VAPA: variants seen among roughly 807,000 people sequenced by gnomAD.
VAPA encodes the protein VAMP associated protein A, also known as vesicle-associated membrane protein-associated protein A.
A neutral mutation model predicts 25.6 loss-of-function variants in VAPA; 6 were observed. The observed-to-expected ratio is 0.23, with a 90% CI of 0.13 to 0.46. VAPA has a LOEUF of 0.46. VAPA is among the 20% of genes least tolerant of loss of function. The pLI is 0.99. For missense variants in VAPA, 244 were observed against 302.1 expected (o/e 0.81, Z 1.43); for synonymous variants, 112 against 106.2 (o/e 1.05, Z -0.34).
Position 9,954,505 on chromosome 18 carries a change from A to C in VAPA, c.*294A>C. 3.8e-6 allele frequency: 1 copy of C among 264,488 alleles called. No homozygotes were observed. Among genetic ancestry groups the C allele is most frequent in the Non-Finnish European group, 7.0e-6 (1 of 142,602 alleles). 16.4% of individuals were successfully genotyped at this position (264,488 alleles called of 1,614,324 possible). A position where few individuals can be genotyped will look rare whatever the true frequency, so the allele number is the denominator to read the frequency against. On this transcript the variant is annotated 3_prime_UTR_variant, in exon 6 of 6. Coordinates refer to ENST00000400000, the MANE Select transcript of VAPA (RefSeq NM_194434.3). Reference sequence around the variant, plus strand: ...GAATTGTTCTTTCTTTGTGGTTTTAATAAGAGTTCAAGAATTGTTCAGAGT... The same window carrying C: ...GAATTGTTCTTTCTTTGTGGTTTTACTAAGAGTTCAAGAATTGTTCAGAGT...
chr18:9,914,673 C>CG (rs1386433524), intron 1 of VAPA: 1 of 150,970 alleles, frequency 6.6e-6, no homozygotes, highest in African/African-American at 2.4e-5. Context: ...CGCCGCGGTC[C>CG]GCCTGGGCCC....
rs1202006319 is a variant in VAPA, at chr18:9,954,248, T to C, written c.*37T>C. On this transcript the variant is annotated 3_prime_UTR_variant, in exon 6 of 6. Transcript: ENST00000400000. ...CAGAGTGCTGTTTCTTTTTTTTTTT[T>C]TCTCTTGACCAGAAAAAGATTTGTT... The C allele has an allele frequency of 1.8e-5, 28 of 1,549,748 alleles. No homozygotes were observed. The highest frequency in any genetic ancestry group is 2.3e-5 in the Non-Finnish European group (27 of 1,149,478).
chr18:9,919,863 A>C (rs1448736147), intron 1 of VAPA, among the ~76,000 whole-genome samples: 1 of 152,202 alleles, frequency 6.6e-6, no homozygotes, highest in Non-Finnish European at 1.5e-5. Flanking sequence ...ATGTAAAATT[A>C]TACTAGAGGG....
intron 1 of VAPA, among the ~76,000 whole-genome samples, chr18:9,928,656 C>G (rs2069223502): frequency 6.6e-6 from 1 of 151,984 alleles, no homozygotes; most frequent in African/African-American, 2.4e-5. Context: ...ATAAAATGAC[C>G]AACATATGTA....
intron 2 of VAPA, among the ~76,000 whole-genome samples, chr18:9,935,495 GC>G (rs1461675301): frequency 1.3e-5 from 2 of 152,186 alleles, no homozygotes; most frequent in African/African-American, 4.8e-5. Context: ...GATTGCCTGA[GC>G]CTAGGGAGGT....
intron 2 of VAPA, among the ~76,000 whole-genome samples, chr18:9,935,309 C>A (rs190489630): frequency 0.024 from 3,605 of 152,190 alleles, 55 homozygotes; most frequent in Middle Eastern, 0.071. Context: ...CTGTGGCTTA[C>A]GCCTGTAATC....
chr18:9,952,703 C>T (rs2069503306), intron 5 of VAPA, among the ~76,000 whole-genome samples: 1 of 152,156 alleles, frequency 6.6e-6, no homozygotes, highest in African/African-American at 2.4e-5. Flanking sequence ...ATTCCCCTAG[C>T]CCTGTGGTTC....
rs1047490740 is a variant in VAPA, at chr18:9,957,578, A to AGG, written c.*3369_*3370dup. The stretch of plus-strand genomic sequence containing the variant: ...ATTTTAAAAATTTCACCTTTATTCG[A>AGG]GGGAAGGATCAATGCTTATTACCAT... On this transcript the variant is annotated 3_prime_UTR_variant, in exon 6 of 6. Transcript: ENST00000400000. The AGG allele has an allele frequency of 4.6e-5, 7 of 151,836 alleles. No individual in the cohort carries two copies. Among genetic ancestry groups the AGG allele is most frequent in the Admixed American group, 1.3e-4 (2 of 15,272 alleles). The allele number at this position is 151,836 out of a possible 1,614,324, so 9.4% of individuals were successfully genotyped here.
intron 3 of VAPA, 137 bp from the exon 4 acceptor site, chr18:9,936,849 G>T: frequency 1.6e-6 from 1 of 615,272 alleles, no homozygotes; most frequent in Non-Finnish European, 2.9e-6. Flanking sequence ...CAATGGCAGG[G>T]TGATCAATAA....
Position 9,944,138 on chromosome 18 carries a change from C to T in VAPA, c.418-6257C>T, listed in dbSNP as rs539700875. Among the ~76,000 whole-genome samples the T allele has an allele frequency of 3.2e-3, 486 of 151,908 alleles. 2 individuals carry two copies. The highest frequency in any genetic ancestry group is 0.01 in the Middle Eastern group (3 of 294). On this transcript the variant is annotated intron_variant, in intron 4 of 5. Transcript: ENST00000400000. Reference sequence around the variant, plus strand: ...TGCTGGGATTACAAGCGTGAGCCACCGCGCCTGACCTTGAAGGTGACATAT... The same window carrying T: ...TGCTGGGATTACAAGCGTGAGCCACTGCGCCTGACCTTGAAGGTGACATAT...
chr18:9,931,796 T>G lies in VAPA; in HGVS notation c.80-14T>G, dbSNP rs1193118787. 2 of 1,586,044 alleles carry G rather than the reference T, an allele frequency of 1.3e-6. No individual in the cohort carries two copies. The highest frequency in any genetic ancestry group is 1.2e-5 in the South Asian group (1 of 85,922). On this transcript the variant is annotated splice_polypyrimidine_tract_variant and intron_variant, in intron 1 of 5. Coordinates refer to ENST00000400000, the MANE Select transcript of VAPA (RefSeq NM_194434.3). Reference sequence around the variant, plus strand: ...ATTAAATTTTGTTTTCTCTTTAATTTTTAAACTTTACAGGCCCCTTCACAG... The same window carrying G: ...ATTAAATTTTGTTTTCTCTTTAATTGTTAAACTTTACAGGCCCCTTCACAG...
intron 1 of VAPA, 106 bp downstream of exon 1, chr18:9,914,441 C>A: frequency 1.0e-6 from 1 of 990,840 alleles, no homozygotes; most frequent in Non-Finnish European, 1.4e-6. Flanking sequence ...GAGGGAGCGC[C>A]CCCTCCCCCA....
chr18:9,938,157 A>G (rs942330818), intron 4 of VAPA, among the ~76,000 whole-genome samples: 1 of 152,208 alleles, frequency 6.6e-6, no homozygotes, highest in Non-Finnish European at 1.5e-5. Context: ...TGTTGAAACC[A>G]AGAAAACAAA....
At chr18:9,940,183 G>T (rs1375560940) in intron 4 of VAPA, among the ~76,000 whole-genome samples, 1 of 152,090 alleles carries the variant, frequency 6.6e-6, no homozygotes, top group Non-Finnish European at 1.5e-5. Context: ...TAAAACTCAT[G>T]AATTTAAACA....
intron 2 of VAPA, among the ~76,000 whole-genome samples, chr18:9,933,387 C>T (rs370255268): frequency 1.3e-5 from 2 of 152,080 alleles, no homozygotes; most frequent in South Asian, 4.2e-4. Flanking sequence ...GTAAGGAGGC[C>T]TGGGAGGAGT....
At chr18:9,933,054 C>T (rs150840552) in intron 2 of VAPA, among the ~76,000 whole-genome samples, 64 of 150,094 alleles carry the variant, frequency 4.3e-4, no homozygotes, top group African/African-American at 1.5e-3. Flanking sequence ...TTGCAGTGAG[C>T]GGAGACTGCA....
At chr18:9,927,368 C>T (rs1359744534) in intron 1 of VAPA, among the ~76,000 whole-genome samples, 1 of 152,056 alleles carries the variant, frequency 6.6e-6, no homozygotes, top group African/African-American at 2.4e-5. Flanking sequence ...AATTGATTCT[C>T]TTTGCAGCTG....
chr18:9,959,451 CTAAGAA>C lies in VAPA; in HGVS notation c.*5241_*5246del, dbSNP rs1316718170. The C allele has an allele frequency of 1.3e-5, 2 of 152,020 alleles. No homozygotes were observed. The highest frequency in any genetic ancestry group is 4.8e-5 in the African/African-American group (2 of 41,386). 9.4% of individuals were successfully genotyped at this position (152,020 alleles called of 1,614,324 possible). A position where few individuals can be genotyped will look rare whatever the true frequency, so the allele number is the denominator to read the frequency against. On this transcript the variant is annotated 3_prime_UTR_variant, in exon 6 of 6. Transcript: ENST00000400000. ...TTCCTAAACAAGAGTGTGTGTTACT[CTAAGAA>C]GAAGGCTATAGAATTTATGGAAATG... is the stretch of plus-strand genomic sequence containing the variant.
At chr18:9,947,222 A>AC (rs1567901325) in intron 4 of VAPA, among the ~76,000 whole-genome samples, 3 of 152,226 alleles carry the variant, frequency 2.0e-5, no homozygotes, top group African/African-American at 7.2e-5. Context: ...TAAAAAGCAT[A>AC]ACAGTAAATA....
Sources: allele counts gnomAD v4.1 joint callset (sites outside exome capture counted in the v4.1 genomes callset), GRCh38; gene constraint gnomAD v4.1.1; transcripts MANE v1.5; gene names NCBI Gene and HGNC (gene_info 2026-07-23, HGNC 2026-07-21).